Variants in CTIF observed in about 807,000 individuals in gnomAD.
The protein encoded by CTIF is CBP80/20-dependent translation initiation factor.
CTIF carries 21 observed loss-of-function variants against 66.0 expected under a neutral mutation model. The ratio of observed to expected loss-of-function variants is 0.32; its 90% CI spans 0.23 to 0.46. The LOEUF (loss-of-function observed/expected upper bound fraction) is 0.46. Ranked by LOEUF, CTIF falls within the 20% of genes least tolerant of loss-of-function variation. The pLI is 1.00. For missense variants in CTIF, 739 were observed against 812.7 expected (o/e 0.91, Z 1.10); for synonymous variants, 345 against 326.4 (o/e 1.06, Z -0.62).
At position 48,838,077 on chromosome 18, in the gene CTIF, T is replaced by G. The variant is rs73956041; in HGVS notation, c.1528-19511T>G. 3.3e-3 allele frequency among the ~76,000 whole-genome samples: 496 copies of G among 152,262 alleles called. 9 individuals carry two copies. Among genetic ancestry groups the G allele is most frequent in the African/African-American group, 0.011 (461 of 41,568 alleles). ...GAAAATAGAAGAACTGATTTTTTTT[T>G]TTCTACTTTCCCCCAAACTTGCTCC... On this transcript the variant is annotated intron_variant, in intron 10 of 11. Coordinates refer to ENST00000256413, the MANE Select transcript of CTIF (RefSeq NM_014772.3).
chr18:48,809,090 G>A (rs941338060), intron 9 of CTIF, among the ~76,000 whole-genome samples: 1 of 152,046 alleles, frequency 6.6e-6, no homozygotes, highest in Non-Finnish European at 1.5e-5. Flanking sequence ...TTTCTTTATA[G>A]AATTCTTGCA....
chr18:48,807,248 A>G (rs921517314), intron 9 of CTIF, among the ~76,000 whole-genome samples: 1 of 152,196 alleles, frequency 6.6e-6, no homozygotes, highest in Non-Finnish European at 1.5e-5. Flanking sequence ...AGATTACCAG[A>G]AGAATTCCAC....
In CTIF at chr18:48,735,667, C is replaced by T. The variant is rs139319696; in HGVS notation, c.585-22252C>T. Among the ~76,000 whole-genome samples the T allele has an allele frequency of 4.2e-3, 632 of 152,204 alleles. 5 individuals are homozygous for T. The highest frequency in any genetic ancestry group is 0.014 in the African/African-American group (572 of 41,534). ...GGAGCCTTGGATTTTGTCTTGAGTC[C>T]CAGAGCCCAGTTCCTACCCATTTAG... On this transcript the variant is annotated intron_variant, in intron 7 of 11. Coordinates refer to ENST00000256413, the MANE Select transcript of CTIF (RefSeq NM_014772.3).
Position 48,650,080 on chromosome 18 carries a change from G to C in CTIF, c.252+13395G>C, listed in dbSNP as rs1434858551. Among the ~76,000 whole-genome samples the C allele has an allele frequency of 4.6e-5, 7 of 152,234 alleles. No homozygotes were observed. In the East Asian group the frequency reaches 1.3e-3, roughly 29 times the overall value. ...CAAGAGCGCCTCTTCTCCTCCAAAG[G>C]ATTGCAGCTCCTCGCCAGCAATGGA... On this transcript the variant is annotated intron_variant, in intron 3 of 11. Coordinates refer to ENST00000256413, the MANE Select transcript of CTIF (RefSeq NM_014772.3).
chr18:48,855,700 A>C (rs1275062885), intron 10 of CTIF, among the ~76,000 whole-genome samples: 3 of 152,254 alleles, frequency 2.0e-5, no homozygotes, highest in Non-Finnish European at 2.9e-5. Context: ...GACGCGGGAC[A>C]GTCCTCCATG....
rs563561696 is a variant in CTIF, at chr18:48,736,559, A to G, written c.585-21360A>G. ...CTCCGATGATTTTCCTTCTGGGCAT[A>G]TATATTTCCTGGCCTCTTGCCTTTG... On this transcript the variant is annotated intron_variant, in intron 7 of 11. Coordinates refer to ENST00000256413, the MANE Select transcript of CTIF (RefSeq NM_014772.3). Among the ~76,000 whole-genome samples, 13 of 152,302 alleles carry G rather than the reference A, an allele frequency of 8.5e-5. No homozygotes were observed. In the East Asian group the frequency reaches 2.3e-3, roughly 27 times the overall value.
At chr18:48,806,739 C>T (rs1428609083) in intron 9 of CTIF, among the ~76,000 whole-genome samples, 2 of 152,210 alleles carry the variant, frequency 1.3e-5, no homozygotes, top group Non-Finnish European at 2.9e-5. Context: ...GGCCACTGCG[C>T]TCCACCATGC....
intron 9 of CTIF, among the ~76,000 whole-genome samples, chr18:48,785,278 G>A (rs1199866924): frequency 2.6e-5 from 4 of 152,184 alleles, no homozygotes; most frequent in Non-Finnish European, 5.9e-5. Flanking sequence ...GCTCCAAACC[G>A]AAACTCAGCT....
At chr18:48,586,274 T>C (rs148283444) in intron 1 of CTIF, among the ~76,000 whole-genome samples, 2,371 of 150,738 alleles carry the variant, frequency 0.016, 27 homozygotes, top group Middle Eastern at 0.027. Context: ...TCCACACTTT[T>C]ACTTTTTTTT....
intron 1 of CTIF, among the ~76,000 whole-genome samples, chr18:48,610,709 G>A (rs947187089): frequency 1.1e-4 from 16 of 152,234 alleles, no homozygotes; most frequent in Admixed American, 9.8e-4. Context: ...GCCATGCCCT[G>A]CCCACCTCAT....
At chr18:48,774,043 G>T (rs1599019441) in intron 9 of CTIF, among the ~76,000 whole-genome samples, 1 of 152,236 alleles carries the variant, frequency 6.6e-6, no homozygotes, top group Non-Finnish European at 1.5e-5. Context: ...GGTCTCCCCA[G>T]CTCCCCTCCA....
intron 5 of CTIF, among the ~76,000 whole-genome samples, chr18:48,665,736 C>G (rs2091425921): frequency 6.6e-6 from 1 of 152,198 alleles, no homozygotes; most frequent in African/African-American, 2.4e-5. Flanking sequence ...TATGTGACCT[C>G]TTGGGCCTGG....
intron 11 of CTIF, among the ~76,000 whole-genome samples, chr18:48,858,731 C>T (rs748626673): frequency 3.3e-5 from 5 of 152,140 alleles, no homozygotes; most frequent in Non-Finnish European, 5.9e-5. Flanking sequence ...GCTCTCCTGA[C>T]GGCCTCTGGC....
intron 1 of CTIF, among the ~76,000 whole-genome samples, chr18:48,583,505 G>A (rs11664184): frequency 0.28 from 42,931 of 152,002 alleles, 7,095 homozygotes; most frequent in African/African-American, 0.47. Flanking sequence ...CGCCGATCTC[G>A]GTTTGTAATT....
chr18:48,644,927 A>T (rs2090998769), intron 3 of CTIF, among the ~76,000 whole-genome samples: 1 of 152,126 alleles, frequency 6.6e-6, no homozygotes, highest in Non-Finnish European at 1.5e-5. Context: ...CAAACTTACT[A>T]TTGGATCGTG....
intron 10 of CTIF, among the ~76,000 whole-genome samples, chr18:48,838,016 C>CAA (rs2068852432): frequency 6.6e-6 from 1 of 152,160 alleles, no homozygotes; most frequent in Non-Finnish European, 1.5e-5. Context: ...CTTTTAAAAA[C>CAA]AAAGTCCGTC....
chr18:48,802,685 C>T (rs756802076), intron 9 of CTIF, among the ~76,000 whole-genome samples: 2 of 152,190 alleles, frequency 1.3e-5, no homozygotes, highest in South Asian at 4.2e-4. Context: ...ATCAGGCAGG[C>T]GGCAGAGAAG....
intron 3 of CTIF, among the ~76,000 whole-genome samples, chr18:48,647,062 C>A (rs2091053054): frequency 6.6e-6 from 1 of 152,148 alleles, no homozygotes; most frequent in Admixed American, 6.5e-5. Flanking sequence ...TACACAGAAA[C>A]CTGGAAGCAG....
At chr18:48,610,547 G>A (rs1013574809) in intron 1 of CTIF, among the ~76,000 whole-genome samples, 6 of 152,152 alleles carry the variant, frequency 3.9e-5, no homozygotes, top group Admixed American at 2.6e-4. Flanking sequence ...GGCACCCCCC[G>A]GGGACTGAGG....
Sources: gnomAD v4.1 joint callset for allele counts (sites outside exome capture counted in the v4.1 genomes callset) on GRCh38, gnomAD v4.1.1 for gene constraint, MANE v1.5 for transcripts, NCBI Gene and HGNC (gene_info 2026-07-23, HGNC 2026-07-21) for gene names.